RTF1: variants seen among roughly 807,000 people sequenced by gnomAD.
The protein encoded by RTF1 is RTF1 homolog, Paf1/RNA polymerase II complex component, also known as RNA polymerase-associated protein RTF1 homolog.
A neutral mutation model predicts 95.7 loss-of-function variants in RTF1; 10 were observed. The observed-to-expected ratio is 0.10, with a 90% CI of 0.06 to 0.18. RTF1 has a LOEUF of 0.18. RTF1 is among the 10% of genes least tolerant of loss of function. The pLI is 1.00. For synonymous variants in RTF1, 305 were observed against 311.8 expected, an observed-to-expected ratio of 0.98 and a Z score of 0.23; for missense variants, 458 against 875.6, an observed-to-expected ratio of 0.52 and a Z score of 6.02.
At position 41,419,158 on chromosome 15, in the gene RTF1, G is replaced by A. The variant is rs1004501135; in HGVS notation, c.198+1845G>A. ...CAAAAGTATAATTTCGACTGTAAAA[G>A]TTTGATTGGTAGATAATTTTAGACT... On this transcript the variant is annotated intron_variant, in intron 1 of 17. Transcript: ENST00000389629. 2.0e-5 allele frequency among the ~76,000 whole-genome samples: 3 copies of A among 152,184 alleles called. 1 individual carries two copies. Among genetic ancestry groups the A allele is most frequent in the Non-Finnish European group, 4.4e-5 (3 of 68,028 alleles).
chr15:41,478,409 TTAAAA>T lies in RTF1; in HGVS notation c.1741-138_1741-134del. The T allele has an allele frequency of 1.0e-5, 7 of 684,528 alleles. No individual in the cohort carries two copies. In the South Asian group the frequency reaches 1.3e-4, roughly 13 times the overall value. 42.4% of individuals were successfully genotyped at this position (684,528 alleles called of 1,614,324 possible). A position where few individuals can be genotyped will look rare whatever the true frequency, so the allele number is the denominator to read the frequency against. On this transcript the variant is annotated intron_variant, in intron 14 of 17. Coordinates refer to ENST00000389629, the MANE Select transcript of RTF1 (RefSeq NM_015138.5). ...GGGCGAGACTCCATCTCAAAAAAAA[TTAAAA>T]AAAAAAAAAAAGGAAAAGGATAATA...
intron 1 of RTF1, among the ~76,000 whole-genome samples, chr15:41,420,080 C>G (rs769455803): frequency 1.3e-5 from 2 of 152,162 alleles, no homozygotes; most frequent in Non-Finnish European, 2.9e-5. Flanking sequence ...CTCGGCCTCC[C>G]AAAGTGCTGG....
intron 2 of RTF1, among the ~76,000 whole-genome samples, chr15:41,444,547 G>A (rs938185105): frequency 1.3e-5 from 2 of 152,116 alleles, no homozygotes; most frequent in East Asian, 3.9e-4. Flanking sequence ...CGCCTGCCTC[G>A]GGCTCCCAAA....
chr15:41,430,044 A>G (rs28673484), intron 1 of RTF1, among the ~76,000 whole-genome samples: 26,413 of 125,112 alleles, frequency 0.21, 3,216 homozygotes, highest in Non-Finnish European at 0.28. Flanking sequence ...GTCTTGCTCT[A>G]TTGCCCAGGC....
intron 2 of RTF1, among the ~76,000 whole-genome samples, chr15:41,443,154 G>T (rs2050744160): frequency 6.6e-6 from 1 of 152,118 alleles, no homozygotes; most frequent in Non-Finnish European, 1.5e-5. Context: ...AGAGCAAAAA[G>T]ATATTTAGCT....
intron 17 of RTF1, 113 bp from the exon 18 acceptor site, chr15:41,480,468 G>A (rs1231653861): frequency 1.0e-6 from 1 of 953,654 alleles, no homozygotes; most frequent in African/African-American, 1.6e-5. Flanking sequence ...ACAGGCTGTG[G>A]GTATGGTGAG....
chr15:41,479,695 T>C (rs942935214), intron 16 of RTF1, among the ~76,000 whole-genome samples: 2 of 152,002 alleles, frequency 1.3e-5, no homozygotes, highest in African/African-American at 4.8e-5. Context: ...ACCCCGTCTC[T>C]ACTAAAAATA....
At chr15:41,446,498 G>A (rs1276458203) in intron 2 of RTF1, among the ~76,000 whole-genome samples, 1 of 152,050 alleles carries the variant, frequency 6.6e-6, no homozygotes, top group Non-Finnish European at 1.5e-5. Flanking sequence ...CCCAGGAGGT[G>A]GAGGTTGCAG....
intron 2 of RTF1, among the ~76,000 whole-genome samples, chr15:41,443,158 T>C (rs549399291): frequency 3.3e-5 from 5 of 152,218 alleles, no homozygotes; most frequent in African/African-American, 7.2e-5. Context: ...CAAAAAGATA[T>C]TTAGCTAATT....
intron 1 of RTF1, among the ~76,000 whole-genome samples, chr15:41,424,476 T>C (rs1566835028): frequency 6.6e-6 from 1 of 152,098 alleles, no homozygotes; most frequent in East Asian, 1.9e-4. Context: ...AGTTGCATAG[T>C]TGGAGAGAGA....
intron 16 of RTF1, 125 bp from the exon 17 acceptor site, chr15:41,480,089 G>A: frequency 3.1e-6 from 2 of 642,708 alleles, no homozygotes; most frequent in South Asian, 1.9e-5. Flanking sequence ...GAAGGAATCA[G>A]AAAGGGGCCT....
chr15:41,473,294 A>G (rs1394734157), intron 8 of RTF1, among the ~76,000 whole-genome samples: 1 of 150,294 alleles, frequency 6.7e-6, no homozygotes, highest in Non-Finnish European at 1.5e-5. Context: ...CCACCATGCC[A>G]GCTAATTTTT....
At position 41,461,042 on chromosome 15, in the gene RTF1, A is replaced by AT. The variant is rs879628124; in HGVS notation, c.662+3183dup. Among the ~76,000 whole-genome samples, 1,145 of 124,888 alleles carry AT rather than the reference A, an allele frequency of 9.2e-3. 7 individuals are homozygous for AT. The highest frequency in any genetic ancestry group is 0.024 in the African/African-American group (788 of 33,128). 81.9% of individuals were successfully genotyped at this position (124,888 alleles called of 152,430 possible). On this transcript the variant is annotated intron_variant, in intron 4 of 17. Transcript: ENST00000389629. ...AGGCATGCGCCACTATGTCAAGCTA[A>AT]TTTTTTTTTTTTTTTTTGAGATGGA...
intron 6 of RTF1, among the ~76,000 whole-genome samples, chr15:41,466,567 A>T (rs1002787823): frequency 6.6e-6 from 1 of 152,252 alleles, no homozygotes; most frequent in Non-Finnish European, 1.5e-5. Flanking sequence ...TACCATTATT[A>T]CACCTAGAAA....
At position 41,465,236 on chromosome 15, in the gene RTF1, G is replaced by A. The variant is rs535263044; in HGVS notation, c.777+351G>A. ...GGCTAGAATACAGTGGCTATTCACT[G>A]GCACAGTCATAACACACTGAAGCCT... On this transcript the variant is annotated intron_variant, in intron 5 of 17. Transcript: ENST00000389629. Among the ~76,000 whole-genome samples the A allele has an allele frequency of 2.0e-5, 3 of 149,898 alleles. No individual in the cohort carries two copies. The East Asian group carries it at 5.9e-4, about 30-fold the overall frequency.
intron 1 of RTF1, among the ~76,000 whole-genome samples, chr15:41,437,389 G>A (rs1171222391): frequency 1.3e-5 from 2 of 151,476 alleles, no homozygotes; most frequent in Non-Finnish European, 2.9e-5. Flanking sequence ...ACAGCTACTC[G>A]GGAGGCTGAG....
chr15:41,464,019 T>C lies in RTF1; in HGVS notation c.663-752T>C, dbSNP rs1417698956. 4.0e-5 allele frequency among the ~76,000 whole-genome samples: 6 copies of C among 151,610 alleles called. No homozygotes were observed. In the East Asian group the frequency reaches 1.2e-3, roughly 30 times the overall value. On this transcript the variant is annotated intron_variant, in intron 4 of 17. Coordinates refer to ENST00000389629, the MANE Select transcript of RTF1 (RefSeq NM_015138.5). ...GGCACATGCCACCATGCCCAGCTAA[T>C]TTTTGTATTTTTAGTGGAGATGGGG...
At chr15:41,439,041 T>A (rs1390922325) in intron 2 of RTF1, among the ~76,000 whole-genome samples, 4 of 150,880 alleles carry the variant, frequency 2.7e-5, no homozygotes, top group Non-Finnish European at 4.4e-5. Context: ...ATTTTCTTTT[T>A]TTTTTTTTCA....
At chr15:41,448,524 G>A (rs1020554298) in intron 2 of RTF1, among the ~76,000 whole-genome samples, 9 of 151,862 alleles carry the variant, frequency 5.9e-5, no homozygotes, top group East Asian at 3.9e-4. Flanking sequence ...ATTTTCGCCC[G>A]GGTATAGTGG....
Sources: allele counts gnomAD v4.1 joint callset (sites outside exome capture counted in the v4.1 genomes callset), GRCh38; gene constraint gnomAD v4.1.1; transcripts MANE v1.5; gene names NCBI Gene and HGNC (gene_info 2026-07-23, HGNC 2026-07-21).